PACRG: variants seen among roughly 807,000 people sequenced by gnomAD.
PACRG encodes the protein parkin coregulated, also known as parkin coregulated gene protein.
A neutral mutation model predicts 29.7 loss-of-function variants in PACRG; 29 were observed. The observed-to-expected ratio is 0.98, with a 90% CI of 0.73 to 1.33. The LOEUF (loss-of-function observed/expected upper bound fraction) is 1.33, where lower values mean the gene tolerates loss of function less well. Among genes scored for constraint, PACRG ranks in the 40% most tolerant of loss-of-function variants. The probability of loss-of-function intolerance (pLI) is 0.00; values close to 1 mark genes in which losing one functional copy is unlikely to be tolerated. For synonymous variants in PACRG, 116 were observed against 118.7 expected (o/e 0.98, Z 0.15); for missense variants, 279 against 316.2 (o/e 0.88, Z 0.89).
chr6:162,925,085 A>C (rs942205236), intron 2 of PACRG, among the ~76,000 whole-genome samples: 1 of 152,176 alleles, frequency 6.6e-6, no homozygotes, highest in Non-Finnish European at 1.5e-5. Flanking sequence ...AAATTCCTGG[A>C]CACACATACC....
rs189267142 is a variant in PACRG at position 162,932,169 on chromosome 6, C to T, written c.291+117888C>T. ...AAAAGAAACCAAACAAAAAGGAGTA[C>T]GTACTTTATGTTTCCATTTATATAA... is the stretch of plus-strand genomic sequence containing the variant. On this transcript the variant is annotated intron_variant, in intron 2 of 4. Transcript: ENST00000366888. Among the ~76,000 whole-genome samples, 148 of 151,928 alleles carry T rather than the reference C, an allele frequency of 9.7e-4. 2 individuals are homozygous for T. Among genetic ancestry groups the T allele is most frequent in the African/African-American group, 3.3e-3 (136 of 41,484 alleles).
intron 4 of PACRG, among the ~76,000 whole-genome samples, chr6:163,166,685 T>C (rs1425397885): frequency 6.6e-6 from 1 of 152,158 alleles, no homozygotes; most frequent in African/African-American, 2.4e-5. Flanking sequence ...TGACATGAAG[T>C]CTGAAAAAAG....
intron 4 of PACRG, among the ~76,000 whole-genome samples, chr6:163,184,386 T>G (rs962467650): frequency 5.3e-5 from 8 of 152,336 alleles, no homozygotes; most frequent in South Asian, 4.1e-4. Flanking sequence ...CCATACTAGC[T>G]CAGTAACACT....
intron 4 of PACRG, among the ~76,000 whole-genome samples, chr6:163,196,840 A>T (rs1780471738): frequency 6.6e-6 from 1 of 151,612 alleles, no homozygotes; most frequent in Non-Finnish European, 1.5e-5. Context: ...AGAAAGAAAG[A>T]CTAGACAGAT....
chr6:162,970,924 G>C (rs1324374890), intron 2 of PACRG, among the ~76,000 whole-genome samples: 1 of 152,186 alleles, frequency 6.6e-6, no homozygotes, highest in Non-Finnish European at 1.5e-5. Context: ...TGTTTCAGTG[G>C]CCATGGGTTG....
intron 2 of PACRG, among the ~76,000 whole-genome samples, chr6:163,003,496 C>G (rs1321378386): frequency 6.6e-6 from 1 of 152,138 alleles, no homozygotes; most frequent in Non-Finnish European, 1.5e-5. Context: ...AAAGTATAGA[C>G]AGCAGGAGAT....
At chr6:163,272,184 A>T (rs965659726) in intron 4 of PACRG, among the ~76,000 whole-genome samples, 1 of 152,030 alleles carries the variant, frequency 6.6e-6, no homozygotes, top group Non-Finnish European at 1.5e-5. Flanking sequence ...GACTACAGGC[A>T]TGCGCCACCA....
chr6:163,209,723 T>C (rs1015734904), intron 4 of PACRG, among the ~76,000 whole-genome samples: 1 of 152,248 alleles, frequency 6.6e-6, no homozygotes, highest in Non-Finnish European at 1.5e-5. Context: ...CAAGCCATAA[T>C]TTGATGTAAA....
intron 4 of PACRG, among the ~76,000 whole-genome samples, chr6:163,154,943 G>T (rs1778250399): frequency 6.6e-6 from 1 of 151,196 alleles, no homozygotes; most frequent in African/African-American, 2.4e-5. Flanking sequence ...CCTTAGAGGA[G>T]ATGAGCACTT....
intron 2 of PACRG, among the ~76,000 whole-genome samples, chr6:162,819,530 C>CA (rs1787655108): frequency 6.6e-6 from 1 of 152,018 alleles, no homozygotes; most frequent in African/African-American, 2.4e-5. Context: ...CATAGGGACC[C>CA]AAAATGGATC....
At chr6:163,165,651 G>A (rs1585284904) in intron 4 of PACRG, 2 of 192,490 alleles carry the variant, frequency 1.0e-5, no homozygotes, top group South Asian at 9.8e-5. Context: ...ACCCAGGGGA[G>A]AGGCGCTGGC....
intron 3 of PACRG, among the ~76,000 whole-genome samples, chr6:163,084,038 C>G (rs1198980631): frequency 6.6e-6 from 1 of 152,168 alleles, no homozygotes; most frequent in Non-Finnish European, 1.5e-5. Context: ...AGCAATTTCT[C>G]TATATCTGAA....
chr6:163,062,747 A>C (rs1204102884), intron 3 of PACRG, among the ~76,000 whole-genome samples: 6 of 152,214 alleles, frequency 3.9e-5, no homozygotes, highest in Non-Finnish European at 5.9e-5. Context: ...GCCCAGCTGC[A>C]TAGGTGAAAA....
chr6:162,910,595 T>G (rs530593836), intron 2 of PACRG, among the ~76,000 whole-genome samples: 62 of 152,324 alleles, frequency 4.1e-4, no homozygotes, highest in Non-Finnish European at 7.8e-4. Context: ...AACCTTTCTA[T>G]TTGTGTAGAT....
intron 4 of PACRG, among the ~76,000 whole-genome samples, chr6:163,185,150 C>G (rs1188825894): frequency 6.6e-6 from 1 of 152,164 alleles, no homozygotes; most frequent in African/African-American, 2.4e-5. Context: ...TCTAACCACA[C>G]TCCAGGCACC....
intron 4 of PACRG, among the ~76,000 whole-genome samples, chr6:163,228,598 A>C (rs1249632470): frequency 1.3e-5 from 2 of 152,178 alleles, no homozygotes; most frequent in African/African-American, 4.8e-5. Context: ...CTTTTTATGG[A>C]AAAAGTACAG....
intron 4 of PACRG, among the ~76,000 whole-genome samples, chr6:163,136,784 T>A (rs1231666337): frequency 6.6e-6 from 1 of 152,204 alleles, no homozygotes; most frequent in Non-Finnish European, 1.5e-5. Flanking sequence ...ATACACTTGG[T>A]TTTGAATAAT....
intron 4 of PACRG, among the ~76,000 whole-genome samples, chr6:163,237,194 A>G (rs1207096101): frequency 2.0e-5 from 3 of 152,112 alleles, no homozygotes; most frequent in Non-Finnish European, 4.4e-5. Flanking sequence ...AAACCTAAAT[A>G]TATATCAGTG....
intron 2 of PACRG, among the ~76,000 whole-genome samples, chr6:162,874,974 TAC>T (rs1793175388): frequency 6.6e-6 from 1 of 151,714 alleles, no homozygotes; most frequent in Admixed American, 6.6e-5. Flanking sequence ...CACACACATT[TAC>T]ACACATTCAT....
Sources: allele counts gnomAD v4.1 joint callset (sites outside exome capture counted in the v4.1 genomes callset), GRCh38; gene constraint gnomAD v4.1.1; transcripts MANE v1.5; gene names NCBI Gene and HGNC (gene_info 2026-07-23, HGNC 2026-07-21).